Variants in KCNB2 observed in about 807,000 individuals in gnomAD.
The protein encoded by KCNB2 is potassium voltage-gated channel subfamily B member 2, also known as delayed rectifier potassium channel protein.
KCNB2 carries 15 observed loss-of-function variants against 61.5 expected under a neutral mutation model. The observed-to-expected ratio is 0.24, with a 90% CI of 0.16 to 0.38. KCNB2 has a LOEUF of 0.38. Ranked by LOEUF, KCNB2 falls within the 10% of genes least tolerant of loss-of-function variation. The pLI is 1.00. For missense variants in KCNB2, 828 were observed against 1,125.2 expected (o/e 0.74, Z 3.78); for synonymous variants, 457 against 446.0 (o/e 1.02, Z -0.31).
intron 2 of KCNB2, among the ~76,000 whole-genome samples, chr8:72,645,260 G>A (rs887061734): frequency 6.6e-6 from 1 of 151,610 alleles, no homozygotes; most frequent in Non-Finnish European, 1.5e-5. Flanking sequence ...GCATTTTATG[G>A]CCTAAGTATA....
At chr8:72,930,353 T>G (rs1385659697) in intron 2 of KCNB2, among the ~76,000 whole-genome samples, 1 of 152,082 alleles carries the variant, frequency 6.6e-6, no homozygotes, top group African/African-American at 2.4e-5. Flanking sequence ...TTTCTAGTTC[T>G]AGATCCCTGA....
intron 2 of KCNB2, among the ~76,000 whole-genome samples, chr8:72,600,373 C>T (rs1807275855): frequency 1.3e-5 from 2 of 151,934 alleles, no homozygotes; most frequent in Middle Eastern, 3.4e-3. Flanking sequence ...TGTTCTCACT[C>T]ATAGGTGGGA....
chr8:72,620,847 A>T (rs1020064237), intron 2 of KCNB2, among the ~76,000 whole-genome samples: 4 of 151,978 alleles, frequency 2.6e-5, no homozygotes, highest in African/African-American at 9.7e-5. Flanking sequence ...ACCTCAGTTG[A>T]TCCACCCGCC....
At chr8:72,686,862 C>A (rs930696425) in intron 2 of KCNB2, among the ~76,000 whole-genome samples, 1 of 152,136 alleles carries the variant, frequency 6.6e-6, no homozygotes, top group African/African-American at 2.4e-5. Context: ...AAATGTATGA[C>A]CTAAATAGCC....
At chr8:72,702,846 TA>T (rs1228097494) in intron 2 of KCNB2, among the ~76,000 whole-genome samples, 1 of 152,128 alleles carries the variant, frequency 6.6e-6, no homozygotes, top group Admixed American at 6.6e-5. Flanking sequence ...CACCAGGTGT[TA>T]GGGGAGAATG....
chr8:72,719,415 A>G (rs1432759475), intron 2 of KCNB2, among the ~76,000 whole-genome samples: 1 of 152,214 alleles, frequency 6.6e-6, no homozygotes, highest in Non-Finnish European at 1.5e-5. Flanking sequence ...CTTTTAATGT[A>G]CAGAGAATAG....
At chr8:72,677,249 A>G (rs1483780564) in intron 2 of KCNB2, among the ~76,000 whole-genome samples, 1 of 152,154 alleles carries the variant, frequency 6.6e-6, no homozygotes, top group African/African-American at 2.4e-5. Flanking sequence ...CCTTGATCTC[A>G]GACTTCTAGG....
chr8:72,715,348 C>G (rs1228570919), intron 2 of KCNB2, among the ~76,000 whole-genome samples: 3 of 152,202 alleles, frequency 2.0e-5, no homozygotes, highest in Admixed American at 1.3e-4. Context: ...CCCAAATCAA[C>G]AGAATCTACA....
chr8:72,871,690 C>T (rs548686966), intron 2 of KCNB2, among the ~76,000 whole-genome samples: 1 of 152,256 alleles, frequency 6.6e-6, no homozygotes, highest in Admixed American at 6.5e-5. Context: ...CTCTTATTTC[C>T]TCCAAACTCT....
At chr8:72,893,429 C>A (rs1235228058) in intron 2 of KCNB2, among the ~76,000 whole-genome samples, 1 of 151,966 alleles carries the variant, frequency 6.6e-6, no homozygotes, top group Non-Finnish European at 1.5e-5. Flanking sequence ...GGACTTCTAC[C>A]TATTTTAATA....
intron 2 of KCNB2, among the ~76,000 whole-genome samples, chr8:72,906,544 G>A (rs997520653): frequency 2.0e-5 from 3 of 152,190 alleles, no homozygotes; most frequent in Non-Finnish European, 4.4e-5. Context: ...AAAGAAAGCT[G>A]CTTTGGTGAT....
At chr8:72,613,678 G>A (rs1333882479) in intron 2 of KCNB2, among the ~76,000 whole-genome samples, 2 of 152,148 alleles carry the variant, frequency 1.3e-5, no homozygotes, top group Non-Finnish European at 2.9e-5. Context: ...CCACTCAGGG[G>A]TATCCGATGA....
rs1188211570 is a variant in KCNB2, at chr8:72,605,327, C to T, written c.579+37014C>T. Among the ~76,000 whole-genome samples the T allele has an allele frequency of 3.3e-5, 5 of 152,146 alleles. No individual in the cohort carries two copies. In the East Asian group the frequency reaches 9.6e-4, roughly 29 times the overall value. On this transcript the variant is annotated intron_variant, in intron 2 of 2. Coordinates refer to ENST00000523207, the MANE Select transcript of KCNB2 (RefSeq NM_004770.3). ...GGTTATGTCTGGGCTACACTGGGGG[C>T]TCCACACTAGACATCATTAGGGGTT...
At chr8:72,922,324 C>G (rs1469537952) in intron 2 of KCNB2, among the ~76,000 whole-genome samples, 1 of 152,178 alleles carries the variant, frequency 6.6e-6, no homozygotes, top group Non-Finnish European at 1.5e-5. Flanking sequence ...TCTGCAAAGA[C>G]CCCATTTCCA....
At chr8:72,609,915 T>G (rs1016113775) in intron 2 of KCNB2, among the ~76,000 whole-genome samples, 2 of 152,202 alleles carry the variant, frequency 1.3e-5, no homozygotes, top group South Asian at 4.1e-4. Context: ...GGGGCTGCTG[T>G]TCACGTGGAA....
intron 2 of KCNB2, among the ~76,000 whole-genome samples, chr8:72,584,540 A>G (rs1542711): frequency 0.12 from 17,687 of 152,212 alleles, 1,412 homozygotes; most frequent in East Asian, 0.48. Flanking sequence ...AGCAGTCATG[A>G]TTTATAGGAA....
intron 2 of KCNB2, among the ~76,000 whole-genome samples, chr8:72,817,442 T>C (rs1332851397): frequency 1.3e-5 from 2 of 152,206 alleles, no homozygotes; most frequent in African/African-American, 4.8e-5. Context: ...TTTTCTGTAA[T>C]GGCTTTGGAG....
chr8:72,674,130 A>G (rs1215124615), intron 2 of KCNB2, among the ~76,000 whole-genome samples: 2 of 152,210 alleles, frequency 1.3e-5, no homozygotes, highest in African/African-American at 2.4e-5. Flanking sequence ...GGCATAGGCT[A>G]TAAAGTCAGA....
Position 72,766,646 on chromosome 8 carries a change from C to T in KCNB2, c.580-169289C>T, listed in dbSNP as rs77204361. Among the ~76,000 whole-genome samples, 505 of 152,232 alleles carry T rather than the reference C, an allele frequency of 3.3e-3. 4 individuals are homozygous for T. The highest frequency in any genetic ancestry group is 0.01 in the Middle Eastern group (3 of 292). On this transcript the variant is annotated intron_variant, in intron 2 of 2. Coordinates refer to ENST00000523207, the MANE Select transcript of KCNB2 (RefSeq NM_004770.3). Reference sequence around the variant, plus strand: ...ATGCTTATATGTGAATGTATTAACGCGTGCACTTATGTTTTCTGGAAAGAA... The same window carrying T: ...ATGCTTATATGTGAATGTATTAACGTGTGCACTTATGTTTTCTGGAAAGAA...
Sources: allele counts gnomAD v4.1 joint callset (sites outside exome capture counted in the v4.1 genomes callset), GRCh38; gene constraint gnomAD v4.1.1; transcripts MANE v1.5; gene names NCBI Gene and HGNC (gene_info 2026-07-23, HGNC 2026-07-21).